CD46: variants seen among roughly 807,000 people sequenced by gnomAD.
CD46 encodes the protein CD46 molecule.
A neutral mutation model predicts 53.3 loss-of-function variants in CD46; 30 were observed. That is an observed-to-expected ratio of 0.56 (90% confidence interval 0.42 to 0.76). The LOEUF (loss-of-function observed/expected upper bound fraction) is 0.76, where lower values mean the gene tolerates loss of function less well. CD46 is among the 30% of genes least tolerant of loss of function. The pLI, the probability that CD46 is intolerant of heterozygous loss-of-function variation, is 0.00. For missense variants in CD46, 409 were observed against 463.0 expected, an observed-to-expected ratio of 0.88 and a Z score of 1.07; for synonymous variants, 142 against 152.0, an observed-to-expected ratio of 0.93 and a Z score of 0.48.
chr1:207,762,267 C>T (rs566498049), intron 5 of CD46, among the ~76,000 whole-genome samples: 1 of 152,234 alleles, frequency 6.6e-6, no homozygotes, highest in South Asian at 2.1e-4. Context: ...GCAGCTAAAG[C>T]ATTGCTTACA....
At chr1:207,778,024 T>C (rs1658305738) in intron 8 of CD46, among the ~76,000 whole-genome samples, 1 of 152,218 alleles carries the variant, frequency 6.6e-6, no homozygotes, top group African/African-American at 2.4e-5. Flanking sequence ...TTGATTTGCA[T>C]TTCTCTAATG....
At chr1:207,775,215 G>C (rs1206313427) in intron 8 of CD46, among the ~76,000 whole-genome samples, 2 of 152,004 alleles carry the variant, frequency 1.3e-5, no homozygotes, top group Non-Finnish European at 2.9e-5. Flanking sequence ...CTTGTGCCGT[G>C]GTTTTCAGCT....
rs1382614521 is a variant in CD46 at position 207,790,389 on chromosome 1, A to C, written c.*41+44A>C. 1.3e-5 allele frequency: 13 copies of C among 976,246 alleles called. No homozygotes were observed. In the East Asian group the frequency reaches 3.1e-4, roughly 23 times the overall value. The allele number at this position is 976,246 out of a possible 1,614,324, so 60.5% of individuals were successfully genotyped here. A position where few individuals can be genotyped will look rare whatever the true frequency, so the allele number is the denominator to read the frequency against. On this transcript the variant is annotated intron_variant, in intron 12 of 12. Transcript: ENST00000367042. Reference sequence around the variant, plus strand: ...TTATTTTCAGATGTCCTTTCTTTTGAAAAATATTCAGTGGATATATAGATA... The same window carrying C: ...TTATTTTCAGATGTCCTTTCTTTTGCAAAATATTCAGTGGATATATAGATA...
intron 8 of CD46, among the ~76,000 whole-genome samples, chr1:207,782,463 A>T (rs1051250493): frequency 1.3e-5 from 2 of 152,092 alleles, no homozygotes; most frequent in African/African-American, 4.8e-5. Context: ...CCTATGTCAG[A>T]TAGAAGTGGC....
intron 5 of CD46, among the ~76,000 whole-genome samples, chr1:207,765,259 A>AT (rs1212579861): frequency 2.6e-5 from 4 of 152,176 alleles, no homozygotes; most frequent in African/African-American, 9.6e-5. Flanking sequence ...TCATCATCTT[A>AT]TTTTTTCATG....
chr1:207,766,738 G>C (rs764171343), intron 5 of CD46, among the ~76,000 whole-genome samples: 4 of 152,244 alleles, frequency 2.6e-5, no homozygotes, highest in Admixed American at 6.5e-5. Context: ...ACATTTAGGA[G>C]GGCAGGGACA....
chr1:207,791,701 CTATA>C (rs1659815273), intron 12 of CD46, among the ~76,000 whole-genome samples: 1 of 152,208 alleles, frequency 6.6e-6, no homozygotes. Flanking sequence ...GGGAAGCCTA[CTATA>C]TCTTCTTAGT....
intron 5 of CD46, among the ~76,000 whole-genome samples, chr1:207,765,979 A>G (rs1467153641): frequency 6.6e-6 from 1 of 152,334 alleles, no homozygotes; most frequent in South Asian, 2.1e-4. Flanking sequence ...ATAAAAAGGA[A>G]TGAACTGATT....
chr1:207,768,204 C>G, intron 7 of CD46: 1 of 196,688 alleles, frequency 5.1e-6, no homozygotes, highest in East Asian at 1.3e-4. Flanking sequence ...ATGACTTATC[C>G]TACACTTAAA....
At chr1:207,754,502 C>T (rs1382781089) in intron 1 of CD46, among the ~76,000 whole-genome samples, 1 of 152,200 alleles carries the variant, frequency 6.6e-6, no homozygotes, top group Non-Finnish European at 1.5e-5. Flanking sequence ...TGCAGGGATC[C>T]TGTCTGTCTT....
At chr1:207,766,667 A>G (rs945547970) in intron 5 of CD46, among the ~76,000 whole-genome samples, 1 of 152,184 alleles carries the variant, frequency 6.6e-6, no homozygotes, top group Non-Finnish European at 1.5e-5. Flanking sequence ...TTTGGTAAAA[A>G]CTACCAAACA....
chr1:207,782,877 A>G (rs1571676875), intron 8 of CD46, among the ~76,000 whole-genome samples: 1 of 148,126 alleles, frequency 6.8e-6, no homozygotes, highest in South Asian at 2.1e-4. Flanking sequence ...ATGGTCTCGA[A>G]CTCCTGACCT....
At position 207,791,054 on chromosome 1, in the gene CD46, A is replaced by G. The variant is rs372716311; in HGVS notation, c.*41+709A>G. ...TAAAAGTTTGGGAGCAGGATCTACA[A>G]AGGCCAGCTGGAAGGACAATTTCTT... On this transcript the variant is annotated intron_variant, in intron 12 of 12. Transcript: ENST00000367042. 5.9e-5 allele frequency among the ~76,000 whole-genome samples: 9 copies of G among 152,214 alleles called. No homozygotes were observed. In the East Asian group the frequency reaches 1.3e-3, roughly 23 times the overall value.
intron 12 of CD46, 64 bp from the exon 13 acceptor site, chr1:207,793,455 G>T: frequency 7.9e-7 from 1 of 1,260,538 alleles, no homozygotes; most frequent in Non-Finnish European, 1.2e-6. Context: ...ATAGGCTTCT[G>T]GAATTTAATT....
chr1:207,787,511 T>A (rs1247626406), intron 11 of CD46, among the ~76,000 whole-genome samples: 2 of 152,178 alleles, frequency 1.3e-5, no homozygotes, highest in Non-Finnish European at 2.9e-5. Flanking sequence ...CAGCATAGGG[T>A]CCAACTGACA....
intron 3 of CD46, 78 bp downstream of exon 3, chr1:207,757,720 G>A: frequency 1.0e-6 from 1 of 956,292 alleles, no homozygotes; most frequent in South Asian, 1.4e-5. Flanking sequence ...AAGCATTCCT[G>A]TAAACTTAAT....
At chr1:207,755,983 T>G (rs1655493984) in intron 1 of CD46, among the ~76,000 whole-genome samples, 1 of 152,110 alleles carries the variant, frequency 6.6e-6, no homozygotes, top group Non-Finnish European at 1.5e-5. Context: ...TTGTTAACTA[T>G]TAAACACAAA....
intron 5 of CD46, 104 bp downstream of exon 5, chr1:207,761,550 T>C (rs1656219193): frequency 1.1e-6 from 1 of 876,452 alleles, no homozygotes; most frequent in Admixed American, 2.0e-5. Context: ...TGCTTCCTCC[T>C]CCTGTATAAT....
intron 12 of CD46, among the ~76,000 whole-genome samples, chr1:207,793,054 TTTAG>T (rs1484007997): frequency 6.6e-6 from 1 of 152,098 alleles, no homozygotes; most frequent in Non-Finnish European, 1.5e-5. Context: ...TGACGTAAAC[TTTAG>T]TTATTTAGGA....
Sources: gnomAD v4.1 joint callset for allele counts (sites outside exome capture counted in the v4.1 genomes callset) on GRCh38, gnomAD v4.1.1 for gene constraint, MANE v1.5 for transcripts, NCBI Gene and HGNC (gene_info 2026-07-23, HGNC 2026-07-21) for gene names.